Variants in SNX19 observed in about 807,000 individuals in gnomAD.
SNX19 encodes the protein sorting nexin 19.
SNX19 carries 60 observed loss-of-function variants against 85.2 expected under a neutral mutation model. The observed-to-expected ratio is 0.70, with a 90% CI of 0.57 to 0.87. SNX19 has a LOEUF of 0.87. Among genes scored for constraint, SNX19 ranks in the 40% least tolerant of loss-of-function variants. The probability of loss-of-function intolerance (pLI) is 0.00; values close to 1 mark genes in which losing one functional copy is unlikely to be tolerated. For synonymous variants in SNX19, 520 were observed against 470.0 expected (o/e 1.11, Z -1.38); for missense variants, 1,201 against 1,217.8 (o/e 0.99, Z 0.21).
Position 130,915,968 on chromosome 11 carries a change from A to G in SNX19, c.-29T>C, listed in dbSNP as rs376926007. The G allele has an allele frequency of 1.3e-6, 2 of 1,587,834 alleles. No homozygotes were observed. The highest frequency in any genetic ancestry group is 1.7e-6 in the Non-Finnish European group (2 of 1,162,914). On this transcript the variant is annotated 5_prime_UTR_variant, in exon 1 of 11. Transcript: ENST00000265909. ...TGAACGGACAAGGTGGCTTCCCCAGATGACAGCCCTCAAGATTTTACTTCA... is the reference window on the plus strand; with the variant it reads ...TGAACGGACAAGGTGGCTTCCCCAGGTGACAGCCCTCAAGATTTTACTTCA...
chr11:130,896,257 C>T (rs189644349), intron 8 of SNX19, among the ~76,000 whole-genome samples: 1 of 152,128 alleles, frequency 6.6e-6, no homozygotes, highest in African/African-American at 2.4e-5. Context: ...AAAAGTTACA[C>T]AGCAAAGGAA....
intron 8 of SNX19, among the ~76,000 whole-genome samples, chr11:130,886,890 T>A (rs557121786): frequency 6.6e-6 from 1 of 152,298 alleles, no homozygotes; most frequent in South Asian, 2.1e-4. Flanking sequence ...TCTGAGAAAG[T>A]TCAACACTGC....
At chr11:130,905,669 C>T in intron 7 of SNX19, 2 of 1,504,884 alleles carry the variant, frequency 1.3e-6, no homozygotes, top group South Asian at 2.5e-5. Context: ...CCAAAGCATG[C>T]CAAAAATAAG....
At chr11:130,903,716 TACACACACACAC>T (rs35654790) in intron 7 of SNX19, among the ~76,000 whole-genome samples, 10 of 143,382 alleles carry the variant, frequency 7.0e-5, no homozygotes, top group African/African-American at 1.8e-4. Flanking sequence ...TATATACACA[TACACACACACAC>T]ACACACACAC....
At chr11:130,880,877 G>A (rs1943621713) in intron 8 of SNX19, 71 bp from the exon 9 acceptor site, 1 of 1,283,328 alleles carries the variant, frequency 7.8e-7, no homozygotes, top group African/African-American at 1.5e-5. Flanking sequence ...CGGACTGACT[G>A]TTTATGTTCC....
rs984105505 is a variant in SNX19, at chr11:130,873,714, A to G, written c.*4708T>C. On this transcript the variant is annotated 3_prime_UTR_variant, in exon 11 of 11. Coordinates refer to ENST00000265909, the MANE Select transcript of SNX19 (RefSeq NM_014758.3). The stretch of plus-strand genomic sequence containing the variant: ...ATTTGTGGGTTAAATAAGTGAAGAT[A>G]TGTAAAGACTTTAAGTAATGCTCTC... Among the ~76,000 whole-genome samples the G allele has an allele frequency of 3.3e-5, 5 of 152,184 alleles. No homozygotes were observed. The highest frequency in any genetic ancestry group is 6.5e-5 in the Admixed American group (1 of 15,280).
At chr11:130,888,592 C>T (rs561392349) in intron 8 of SNX19, among the ~76,000 whole-genome samples, 1 of 152,302 alleles carries the variant, frequency 6.6e-6, no homozygotes, top group Non-Finnish European at 1.5e-5. Context: ...TTCCCCATTG[C>T]CCTTCCCAAA....
chr11:130,883,173 T>A, intron 8 of SNX19, among the ~76,000 whole-genome samples: 1 of 152,192 alleles, frequency 6.6e-6, no homozygotes, highest in Non-Finnish European at 1.5e-5. Flanking sequence ...TATACAAATC[T>A]ATAAGACAGC....
chr11:130,885,449 G>C (rs1451560307), intron 8 of SNX19, among the ~76,000 whole-genome samples: 1 of 152,180 alleles, frequency 6.6e-6, no homozygotes, highest in Non-Finnish European at 1.5e-5. Flanking sequence ...CAAAACAGCA[G>C]AATCAAATCT....
rs1285717958 is a variant in SNX19 at position 130,871,233 on chromosome 11, TCTA to T, written c.*7186_*7188del. ...ATACATTCTGTCCCCAAGAAAATGC[TCTA>T]CTGCCAACTAAGCCCATGTGATTCT... On this transcript the variant is annotated 3_prime_UTR_variant, in exon 11 of 11. Transcript: ENST00000265909. Among the ~76,000 whole-genome samples, 1 of 152,180 alleles carries T rather than the reference TCTA, an allele frequency of 6.6e-6. No homozygotes were observed. Among genetic ancestry groups the T allele is most frequent in the Non-Finnish European group, 1.5e-5 (1 of 68,036 alleles).
rs950750009 is a variant in SNX19 at position 130,888,032 on chromosome 11, C to T, written c.2574-7226G>A. Among the ~76,000 whole-genome samples, 8 of 151,746 alleles carry T rather than the reference C, an allele frequency of 5.3e-5. No individual in the cohort carries two copies. The South Asian group carries it at 6.2e-4, about 12-fold the overall frequency. ...GATTGTGTTAGCTTTTTGGCACACA[C>T]GTCAAAAGCACTGACTCATATTGAG... is the stretch of plus-strand genomic sequence containing the variant. On this transcript the variant is annotated intron_variant, in intron 8 of 10. Transcript: ENST00000265909.
rs932419773 is a variant in SNX19 at position 130,906,692 on chromosome 11, A to G, written c.2195T>C (p.Ile732Thr). 6.2e-7 allele frequency: 1 copy of G among 1,612,832 alleles called. No individual in the cohort carries two copies. The highest frequency in any genetic ancestry group is 8.5e-7 in the Non-Finnish European group (1 of 1,179,036). ...TTCAGTCACACTTAGTGCTGGAGAA[A>G]TTTTACTGGATGAGAACCTCAGCCT... Reference protein sequence around the residue: ...KSRLRFSSSKISPALSVTEAQ... With the variant: ...KSRLRFSSSKTSPALSVTEAQ... The change falls in exon 6 of 11, where the codon ATT becomes ACT. Residue 732 changes from isoleucine (I) to threonine (T), a missense_variant. Ile to Thr is a moderately conservative substitution (Grantham distance 89). Coordinates refer to ENST00000265909, the MANE Select transcript of SNX19 (RefSeq NM_014758.3).
At position 130,878,358 on chromosome 11, in the gene SNX19, G is replaced by T; in HGVS notation, c.*64C>A. On this transcript the variant is annotated 3_prime_UTR_variant, in exon 11 of 11. Transcript: ENST00000265909. ...TACTTGAAGAGGGCACGGGCTTCCT[G>T]ACTGGTCTCTGGTGGCCGAGTAACT... is the stretch of plus-strand genomic sequence containing the variant. The T allele has an allele frequency of 6.4e-7, 1 of 1,570,144 alleles. No homozygotes were observed. Among genetic ancestry groups the T allele is most frequent in the South Asian group, 1.2e-5 (1 of 84,986 alleles).
chr11:130,892,129 C>T (rs1944541314), intron 8 of SNX19, among the ~76,000 whole-genome samples: 1 of 150,956 alleles, frequency 6.6e-6, no homozygotes. Flanking sequence ...CAGGCATGAG[C>T]CACTGCGCCC....
chr11:130,907,667 G>T (rs1054802223), intron 5 of SNX19, among the ~76,000 whole-genome samples: 3 of 152,328 alleles, frequency 2.0e-5, no homozygotes, highest in Non-Finnish European at 4.4e-5. Context: ...AGAGGAAAGA[G>T]AATATCCTAG....
At position 130,867,703 on chromosome 11, in the gene SNX19, A is replaced by G. The variant is rs926024271; in HGVS notation, c.*10719T>C. 2.0e-5 allele frequency: 3 copies of G among 152,232 alleles called. No individual in the cohort carries two copies. The highest frequency in any genetic ancestry group is 7.2e-5 in the African/African-American group (3 of 41,464). 9.4% of individuals were successfully genotyped at this position (152,232 alleles called of 1,614,324 possible). On this transcript the variant is annotated 3_prime_UTR_variant, in exon 11 of 11. Transcript: ENST00000265909. ...GATGAGATGCATTTTTAGGACAAAC[A>G]TGGAGACCATCATCGTTGTTCCGGA... is the stretch of plus-strand genomic sequence containing the variant.
chr11:130,911,714 T>C lies in SNX19; in HGVS notation c.1732A>G (p.Thr578Ala). 6.2e-7 allele frequency: 1 copy of C among 1,614,206 alleles called. No individual in the cohort carries two copies. The highest frequency in any genetic ancestry group is 8.5e-7 in the Non-Finnish European group (1 of 1,180,024). The change falls in exon 2 of 11, where the codon ACT (threonine) becomes GCT (alanine). Residue 578 changes from threonine (T) to alanine (A), a missense_variant. This residue lies in a region of SNX19 where 791 missense variants were observed against 750.9 expected (regional missense o/e 1.05). Coordinates refer to ENST00000265909, the MANE Select transcript of SNX19 (RefSeq NM_014758.3). ...SSGLQQLAYH[T>A]VNRRYREFLN... ...AACTCCCGATAGCGACGATTCACAG[T>C]GTGGTAGGCCAGCTGCTGCAGGCCG...
At chr11:130,878,689 A>G in intron 10 of SNX19, 135 bp from the exon 11 acceptor site, 1 of 1,144,594 alleles carries the variant, frequency 8.7e-7, no homozygotes. Flanking sequence ...CTGCCATGAA[A>G]TTAATGTTTT....
In SNX19 at chr11:130,872,225, T is replaced by G. The variant is rs2135251503; in HGVS notation, c.*6197A>C. Among the ~76,000 whole-genome samples the G allele has an allele frequency of 6.6e-6, 1 of 152,260 alleles. No individual in the cohort carries two copies. Among genetic ancestry groups the G allele is most frequent in the African/African-American group, 2.4e-5 (1 of 41,558 alleles). On this transcript the variant is annotated 3_prime_UTR_variant, in exon 11 of 11. Transcript: ENST00000265909. Reference sequence around the variant, plus strand: ...TGCCTCCAAGAAAGCAGAGTTAAAATGGACTTTCAGACCAGAGACAGGTGA... The same window carrying G: ...TGCCTCCAAGAAAGCAGAGTTAAAAGGGACTTTCAGACCAGAGACAGGTGA...
Sources: gnomAD v4.1 joint callset for allele counts (sites outside exome capture counted in the v4.1 genomes callset) on GRCh38, gnomAD v4.1.1 for gene constraint, gnomAD v4.1.1 regional missense constraint, MANE v1.5 for transcripts, NCBI Gene and HGNC (gene_info 2026-07-23, HGNC 2026-07-21) for gene names.